Variants in KCMF1 observed in about 807,000 individuals in gnomAD.
KCMF1 encodes potassium channel modulatory factor 1.
Under a neutral mutation model 41.1 loss-of-function variants are expected in KCMF1, and 3 were observed. The observed-to-expected ratio is 0.07, with a 90% CI of 0.03 to 0.19. The LOEUF (loss-of-function observed/expected upper bound fraction) is 0.19, where lower values mean the gene tolerates loss of function less well. Ranked by LOEUF, KCMF1 falls within the 10% of genes least tolerant of loss-of-function variation. KCMF1 has a pLI of 1.00. For missense variants in KCMF1, 286 were observed against 488.9 expected, an observed-to-expected ratio of 0.58 and a Z score of 3.91; for synonymous variants, 142 against 164.5, an observed-to-expected ratio of 0.86 and a Z score of 1.04.
chr2:85,023,162 C>T (rs924921275), intron 1 of KCMF1, among the ~76,000 whole-genome samples: 1 of 151,988 alleles, frequency 6.6e-6, no homozygotes, highest in East Asian at 1.9e-4. Flanking sequence ...GCTGGGATTA[C>T]AGGCGTGAGC....
At position 85,000,345 on chromosome 2, in the gene KCMF1, G is replaced by A. The variant is rs186843404; in HGVS notation, c.17-27544G>A. Among the ~76,000 whole-genome samples the A allele has an allele frequency of 2.4e-4, 36 of 152,184 alleles. No individual in the cohort carries two copies. The East Asian group carries it at 5.6e-3, about 24-fold the overall frequency. ...TCACCGTGTTAGCCAGGATGGTCTCGATCTCCTGACCTCGTGATCCGCCCA... is the reference window on the plus strand; with the variant it reads ...TCACCGTGTTAGCCAGGATGGTCTCAATCTCCTGACCTCGTGATCCGCCCA... On this transcript the variant is annotated intron_variant, in intron 1 of 6. Coordinates refer to ENST00000409785, the MANE Select transcript of KCMF1 (RefSeq NM_020122.5).
intron 1 of KCMF1, among the ~76,000 whole-genome samples, chr2:84,971,699 G>A (rs976695946): frequency 1.3e-5 from 2 of 150,662 alleles, no homozygotes; most frequent in African/African-American, 4.8e-5. Context: ...GGCCCGGGCG[G>A]CCGGAGGGTT....
At chr2:85,027,126 C>T (rs530774941) in intron 1 of KCMF1, among the ~76,000 whole-genome samples, 1 of 152,076 alleles carries the variant, frequency 6.6e-6, no homozygotes, top group Admixed American at 6.6e-5. Context: ...TTTTGTAATC[C>T]CCTAGGGAGG....
Position 85,038,484 on chromosome 2 carries a change from A to G in KCMF1, c.324+3329A>G, listed in dbSNP as rs1675452277. Among the ~76,000 whole-genome samples, 5 of 152,202 alleles carry G rather than the reference A, an allele frequency of 3.3e-5. No individual in the cohort carries two copies. In the South Asian group the frequency reaches 8.3e-4, roughly 25 times the overall value. ...AGCAAAACTTGAATTTCAGTCTTGT[A>G]TTCATTATATCTGCAGATTTTGTAG... is the stretch of plus-strand genomic sequence containing the variant. On this transcript the variant is annotated intron_variant, in intron 3 of 6. Transcript: ENST00000409785.
intron 1 of KCMF1, among the ~76,000 whole-genome samples, chr2:85,010,899 A>G (rs528592994): frequency 1.0e-4 from 15 of 148,948 alleles, no homozygotes; most frequent in Non-Finnish European, 2.1e-4. Context: ...GCTGGAGTGC[A>G]GTGGCATAAT....
chr2:85,019,132 T>C (rs1674864347), intron 1 of KCMF1, among the ~76,000 whole-genome samples: 1 of 152,258 alleles, frequency 6.6e-6, no homozygotes, highest in Non-Finnish European at 1.5e-5. Flanking sequence ...GTTTTACATA[T>C]GCCATGTATC....
At chr2:85,048,304 A>G (rs1352744525) in intron 5 of KCMF1, among the ~76,000 whole-genome samples, 1 of 152,228 alleles carries the variant, frequency 6.6e-6, no homozygotes, top group Non-Finnish European at 1.5e-5. Context: ...TTTACCTGCT[A>G]TTTTGGTGGC....
intron 2 of KCMF1, among the ~76,000 whole-genome samples, chr2:85,032,887 T>C (rs190505220): frequency 6.6e-5 from 10 of 152,288 alleles, no homozygotes; most frequent in Admixed American, 2.0e-4. Context: ...TAAAAATCAT[T>C]TTACTTCTTC....
chr2:85,021,859 C>T (rs1217534615), intron 1 of KCMF1, among the ~76,000 whole-genome samples: 1 of 152,070 alleles, frequency 6.6e-6, no homozygotes, highest in Admixed American at 6.6e-5. Context: ...TCTTGTTCCC[C>T]AGGCTGAAGT....
At chr2:85,009,512 A>G (rs1455111642) in intron 1 of KCMF1, among the ~76,000 whole-genome samples, 1 of 152,072 alleles carries the variant, frequency 6.6e-6, no homozygotes, top group African/African-American at 2.4e-5. Flanking sequence ...CAGCCTGGCA[A>G]TTCCTATTCT....
At chr2:85,041,059 C>T (rs1675520637) in intron 3 of KCMF1, among the ~76,000 whole-genome samples, 1 of 152,118 alleles carries the variant, frequency 6.6e-6, no homozygotes, top group Non-Finnish European at 1.5e-5. Context: ...CGTGCCTGGC[C>T]TAGCCTCTTG....
chr2:85,031,271 G>C (rs1244468440), intron 2 of KCMF1, among the ~76,000 whole-genome samples: 2 of 152,154 alleles, frequency 1.3e-5, no homozygotes, highest in East Asian at 3.8e-4. Flanking sequence ...ACATGAACAT[G>C]GGATATGCTT....
intron 1 of KCMF1, among the ~76,000 whole-genome samples, chr2:84,988,650 C>G (rs1028912046): frequency 6.6e-6 from 1 of 152,144 alleles, no homozygotes; most frequent in Non-Finnish European, 1.5e-5. Context: ...ATGTTATTCC[C>G]TTTTACAAAT....
intron 1 of KCMF1, among the ~76,000 whole-genome samples, chr2:85,006,303 T>C (rs1674470531): frequency 2.2e-5 from 3 of 137,440 alleles, no homozygotes; most frequent in African/African-American, 8.2e-5. Flanking sequence ...TTCTTTTTTT[T>C]TTTTTTTTTT....
At chr2:85,028,756 G>A (rs1452051503) in intron 2 of KCMF1, among the ~76,000 whole-genome samples, 1 of 151,852 alleles carries the variant, frequency 6.6e-6, no homozygotes, top group African/African-American at 2.4e-5. Context: ...CCAAAGTGCT[G>A]GGATTACAGG....
At chr2:85,029,576 C>A (rs1240428847) in intron 2 of KCMF1, among the ~76,000 whole-genome samples, 3 of 150,048 alleles carry the variant, frequency 2.0e-5, no homozygotes, top group Non-Finnish European at 4.4e-5. Context: ...TCCGGCCTGG[C>A]CAACAAAGCA....
intron 2 of KCMF1, among the ~76,000 whole-genome samples, chr2:85,029,181 A>G (rs1272007054): frequency 1.4e-5 from 2 of 143,476 alleles, no homozygotes; most frequent in African/African-American, 5.6e-5. Flanking sequence ...TATGTTGGCC[A>G]GGCTGGTCTT....
intron 1 of KCMF1, among the ~76,000 whole-genome samples, chr2:84,978,555 G>T (rs1241460006): frequency 4.0e-5 from 6 of 148,264 alleles, no homozygotes; most frequent in African/African-American, 1.5e-4. Context: ...ATGTATTTGG[G>T]TTTTTTTTTG....
chr2:85,041,748 A>G (rs943502705), intron 3 of KCMF1, among the ~76,000 whole-genome samples: 2 of 150,984 alleles, frequency 1.3e-5, no homozygotes, highest in African/African-American at 4.9e-5. Context: ...CTGTTTCTCC[A>G]AACATTGCTG....
Sources: allele counts gnomAD v4.1 joint callset (sites outside exome capture counted in the v4.1 genomes callset), GRCh38; gene constraint gnomAD v4.1.1; transcripts MANE v1.5; gene names NCBI Gene and HGNC (gene_info 2026-07-23, HGNC 2026-07-21).